Variants in PLPP3 observed in about 807,000 individuals in gnomAD.
The protein encoded by PLPP3 is PAP2 beta.
In PLPP3, 6 loss-of-function variants were observed where a neutral mutation model predicts 29.6. The ratio of observed to expected loss-of-function variants is 0.20; its 90% CI spans 0.11 to 0.40. The LOEUF (loss-of-function observed/expected upper bound fraction) is 0.40, where lower values mean the gene tolerates loss of function less well. PLPP3 is among the 10% of genes least tolerant of loss of function. PLPP3 has a pLI of 1.00. For synonymous variants in PLPP3, 152 were observed against 159.7 expected, an observed-to-expected ratio of 0.95 and a Z score of 0.36; for missense variants, 308 against 407.7, an observed-to-expected ratio of 0.76 and a Z score of 2.11.
At chr1:56,528,834 C>T (rs1467037520) in intron 2 of PLPP3, among the ~76,000 whole-genome samples, 1 of 148,518 alleles carries the variant, frequency 6.7e-6, no homozygotes, top group Non-Finnish European at 1.5e-5. Flanking sequence ...ATCATTTTAT[C>T]TAGTATGTAT....
At chr1:56,567,438 C>T (rs9730556) in intron 1 of PLPP3, among the ~76,000 whole-genome samples, 43,982 of 138,626 alleles carry the variant, frequency 0.32, 7,506 homozygotes, top group Middle Eastern at 0.43. Context: ...CGCTCTGTCA[C>T]CCAGGCTGGA....
At position 56,496,291 on chromosome 1, in the gene PLPP3, C is replaced by T. The variant is rs757720544; in HGVS notation, c.*260G>A. On this transcript the variant is annotated 3_prime_UTR_variant, in exon 6 of 6. Coordinates refer to ENST00000371250, the MANE Select transcript of PLPP3 (RefSeq NM_003713.5). ...GTTTTAGTGTTTGTTCCTGAACAAG[C>T]TGTGTTCACTAGAACATGAACACTT... is the stretch of plus-strand genomic sequence containing the variant. The T allele has an allele frequency of 2.5e-5, 8 of 317,538 alleles. No homozygotes were observed. The highest frequency in any genetic ancestry group is 4.8e-5 in the Non-Finnish European group (8 of 167,346). 19.7% of individuals were successfully genotyped at this position (317,538 alleles called of 1,614,324 possible). A position where few individuals can be genotyped will look rare whatever the true frequency, so the allele number is the denominator to read the frequency against.
intron 1 of PLPP3, among the ~76,000 whole-genome samples, chr1:56,557,073 A>G (rs1646088461): frequency 3.3e-4 from 44 of 135,222 alleles, no homozygotes; most frequent in Middle Eastern, 3.7e-3. Flanking sequence ...AAAGAAAGAA[A>G]GAAAAAATGA....
At chr1:56,511,586 G>C (rs1645741607) in intron 5 of PLPP3, among the ~76,000 whole-genome samples, 2 of 152,126 alleles carry the variant, frequency 1.3e-5, no homozygotes, top group Admixed American at 1.3e-4. Context: ...CTTGCTACTA[G>C]GTCAACAGAC....
intron 1 of PLPP3, among the ~76,000 whole-genome samples, chr1:56,569,446 A>C (rs1646182887): frequency 1.3e-5 from 2 of 152,256 alleles, no homozygotes; most frequent in African/African-American, 4.8e-5. Context: ...TGCTGGGATT[A>C]CAGGTGTGAG....
In PLPP3 at chr1:56,557,026, A is replaced by AGAAAGAAAG. The variant is rs1646085318; in HGVS notation, c.140-19915_140-19914insCTTTCTTTC. The stretch of plus-strand genomic sequence containing the variant: ...AGAAAGAAAGAGAGAGAGAGAGAGA[A>AGAAAGAAAG]AGAGAGAGAGAGAGAGAGAGAGAGA... On this transcript the variant is annotated intron_variant, in intron 1 of 5. Coordinates refer to ENST00000371250, the MANE Select transcript of PLPP3 (RefSeq NM_003713.5). Among the ~76,000 whole-genome samples, 80 of 9,524 alleles carry AGAAAGAAAG rather than the reference A, an allele frequency of 8.4e-3. 19 individuals are homozygous for AGAAAGAAAG. The highest frequency in any genetic ancestry group is 0.023 in the South Asian group (9 of 384). 6.2% of individuals were successfully genotyped at this position (9,524 alleles called of 152,430 possible). A position where few individuals can be genotyped will look rare whatever the true frequency, so the allele number is the denominator to read the frequency against.
chr1:56,531,465 G>T (rs140262111), intron 2 of PLPP3, among the ~76,000 whole-genome samples: 6 of 152,246 alleles, frequency 3.9e-5, no homozygotes, highest in African/African-American at 1.4e-4. Flanking sequence ...TATAAGGGAG[G>T]TATCACCCGG....
chr1:56,557,003 AAAG>A (rs1368084142), intron 1 of PLPP3, among the ~76,000 whole-genome samples: 4 of 6,580 alleles, frequency 6.1e-4, no homozygotes, highest in East Asian at 2.8e-3. Flanking sequence ...AGAAAGAAAG[AAAG>A]AAAGAGAGAG....
intron 1 of PLPP3, among the ~76,000 whole-genome samples, chr1:56,566,710 T>C (rs111527882): frequency 9.8e-4 from 149 of 152,346 alleles, no homozygotes; most frequent in African/African-American, 3.5e-3. Context: ...TAACAATAAA[T>C]GGGGATCCCT....
At chr1:56,535,276 A>G (rs1449390714) in intron 2 of PLPP3, among the ~76,000 whole-genome samples, 2 of 152,310 alleles carry the variant, frequency 1.3e-5, no homozygotes, top group East Asian at 3.9e-4. Flanking sequence ...TGCTAAACTG[A>G]AAACCCTAAG....
intron 1 of PLPP3, among the ~76,000 whole-genome samples, chr1:56,572,012 C>A (rs565127335): frequency 6.7e-6 from 1 of 149,774 alleles, no homozygotes; most frequent in East Asian, 1.9e-4. Flanking sequence ...CCCTAGATGA[C>A]CAGCGTTTCG....
intron 2 of PLPP3, among the ~76,000 whole-genome samples, chr1:56,529,177 A>AT (rs2100256059): frequency 6.6e-6 from 1 of 152,254 alleles, no homozygotes; most frequent in South Asian, 2.1e-4. Flanking sequence ...ACTTATATAA[A>AT]TGAGTATGAT....
chr1:56,509,961 G>C (rs926513657), intron 5 of PLPP3, among the ~76,000 whole-genome samples: 5 of 152,074 alleles, frequency 3.3e-5, no homozygotes, highest in Non-Finnish European at 7.4e-5. Flanking sequence ...AGCCAAACAG[G>C]ACACAAGTCA....
chr1:56,561,142 C>T (rs1319688025), intron 1 of PLPP3, among the ~76,000 whole-genome samples: 2 of 151,938 alleles, frequency 1.3e-5, no homozygotes, highest in African/African-American at 2.4e-5. Flanking sequence ...CCACTGCACC[C>T]GGCCCAGAGC....
intron 2 of PLPP3, among the ~76,000 whole-genome samples, chr1:56,525,681 A>T (rs1377736555): frequency 6.6e-6 from 1 of 152,020 alleles, no homozygotes; most frequent in African/African-American, 2.4e-5. Context: ...CACAGCCCAG[A>T]GACAGTGATG....
At chr1:56,557,353 G>C (rs1483200882) in intron 1 of PLPP3, among the ~76,000 whole-genome samples, 3 of 151,590 alleles carry the variant, frequency 2.0e-5, no homozygotes, top group Non-Finnish European at 4.4e-5. Context: ...ACTCCAGCCT[G>C]GTGACAAAGC....
At chr1:56,545,320 G>A (rs1645997444) in intron 1 of PLPP3, among the ~76,000 whole-genome samples, 1 of 152,148 alleles carries the variant, frequency 6.6e-6, no homozygotes, top group Non-Finnish European at 1.5e-5. Flanking sequence ...TTGATTAGGA[G>A]GACTAAGATG....
intron 5 of PLPP3, among the ~76,000 whole-genome samples, chr1:56,498,196 G>A (rs1198487592): frequency 2.0e-5 from 3 of 152,052 alleles, no homozygotes; most frequent in South Asian, 2.1e-4. Context: ...CCTTTCTTTT[G>A]TCAGGAGGTT....
chr1:56,509,621 C>T (rs1365644509), intron 5 of PLPP3, among the ~76,000 whole-genome samples: 2 of 151,966 alleles, frequency 1.3e-5, no homozygotes, highest in African/African-American at 2.4e-5. Context: ...GGGCGGATCA[C>T]CTGAGGTCAG....
Sources: allele counts gnomAD v4.1 joint callset (sites outside exome capture counted in the v4.1 genomes callset), GRCh38; gene constraint gnomAD v4.1.1; transcripts MANE v1.5; gene names NCBI Gene and HGNC (gene_info 2026-07-23, HGNC 2026-07-21).